Variants in POLR3C observed in about 807,000 individuals in gnomAD.
POLR3C encodes DNA-directed RNA polymerase III subunit RPC3.
A neutral mutation model predicts 65.9 loss-of-function variants in POLR3C; 44 were observed. The observed-to-expected ratio is 0.67, with a 90% confidence interval of 0.52 to 0.86. The LOEUF is 0.86. Ranked by LOEUF, POLR3C falls within the 40% of genes least tolerant of loss-of-function variation. The pLI is 0.00. For missense variants in POLR3C, 576 were observed against 653.2 expected (o/e 0.88, Z 1.29); for synonymous variants, 263 against 231.6 (o/e 1.14, Z -1.23).
At chr1:145,831,089 A>T (rs1283686087) in intron 5 of POLR3C, among the ~76,000 whole-genome samples, 3 of 150,650 alleles carry the variant, frequency 2.0e-5, no homozygotes, top group African/African-American at 7.3e-5. Context: ...ACAGAGCAAG[A>T]CCCTGTCTCA....
rs587741038 is a variant in POLR3C at position 145,841,617 on chromosome 1, C to T, written c.1523+546C>T. 1.4e-4 allele frequency among the ~76,000 whole-genome samples: 22 copies of T among 152,294 alleles called. No homozygotes were observed. The South Asian group carries it at 4.4e-3, about 30-fold the overall frequency. On this transcript the variant is annotated intron_variant, in intron 14 of 14. Transcript: ENST00000334163. ...TATTTCAGTTTTAGATTGTTCATTG[C>T]TAGTGTTATACAAAAACAACCAACT...
At chr1:145,824,562 T>C in intron 1 of POLR3C, 193 bp downstream of exon 1, 1 of 1,280,776 alleles carries the variant, frequency 7.8e-7, no homozygotes, top group Non-Finnish European at 1.0e-6. Flanking sequence ...CTGGTGATAC[T>C]GAGGCGGGGT....
chr1:145,840,074 A>C (rs1434832960), intron 12 of POLR3C, 42 bp from the exon 13 acceptor site: 5 of 1,562,272 alleles, frequency 3.2e-6, no homozygotes, highest in Non-Finnish European at 4.4e-6. Context: ...AGCTGCTGAA[A>C]TAGAACTATG....
At chr1:145,833,925 A>G (rs1651560972) in intron 7 of POLR3C, among the ~76,000 whole-genome samples, 2 of 152,204 alleles carry the variant, frequency 1.3e-5, no homozygotes, top group Non-Finnish European at 2.9e-5. Context: ...TATATCCAAT[A>G]TGTGTTATTT....
intron 13 of POLR3C, 46 bp downstream of exon 13, chr1:145,840,211 G>A (rs1347704642): frequency 4.1e-6 from 5 of 1,205,022 alleles, no homozygotes; most frequent in Non-Finnish European, 6.2e-6. Context: ...TCAAGATCAA[G>A]GGCCTCAGGG....
At chr1:145,840,423 C>T in intron 13 of POLR3C, 2 of 421,862 alleles carry the variant, frequency 4.7e-6, no homozygotes, top group South Asian at 4.8e-5. Context: ...ACCTATAGTC[C>T]CAGCTACTCG....
chr1:145,843,650 T>G lies in POLR3C; in HGVS notation c.*1230T>G, dbSNP rs1362111323. On this transcript the variant is annotated 3_prime_UTR_variant, in exon 15 of 15. Coordinates refer to ENST00000334163, the MANE Select transcript of POLR3C (RefSeq NM_006468.8). Reference sequence around the variant, plus strand: ...TAAGTACATAAGTACCAGGAAGTATTAGGGGTGCTACAGTAGAAGAGTAAA... The same window carrying G: ...TAAGTACATAAGTACCAGGAAGTATGAGGGGTGCTACAGTAGAAGAGTAAA... Among the ~76,000 whole-genome samples the G allele has an allele frequency of 1.3e-5, 2 of 152,112 alleles. No homozygotes were observed. Among genetic ancestry groups the G allele is most frequent in the African/African-American group, 4.8e-5 (2 of 41,416 alleles).
intron 14 of POLR3C, 84 bp from the exon 15 acceptor site, chr1:145,842,255 C>A: frequency 1.3e-6 from 1 of 772,302 alleles, no homozygotes; most frequent in East Asian, 2.5e-5. Flanking sequence ...AAGCAGTTAT[C>A]CATGGCCACA....
intron 7 of POLR3C, among the ~76,000 whole-genome samples, chr1:145,834,530 C>T (rs1227575325): frequency 1.3e-5 from 2 of 151,386 alleles, no homozygotes; most frequent in African/African-American, 4.9e-5. Context: ...AAAAAATTAG[C>T]CGGGCATGGT....
At chr1:145,836,645 C>T (rs1651873220) in intron 8 of POLR3C, 71 bp downstream of exon 8, 1 of 1,017,066 alleles carries the variant, frequency 9.8e-7, no homozygotes, top group South Asian at 1.3e-5. Context: ...TGCACTGATA[C>T]CTAGTGTCAT....
intron 4 of POLR3C, among the ~76,000 whole-genome samples, chr1:145,827,814 G>A (rs1553726239): frequency 6.6e-6 from 1 of 151,288 alleles, no homozygotes; most frequent in Non-Finnish European, 1.5e-5. Flanking sequence ...TGTAATCCCA[G>A]CTACTCGGGA....
In POLR3C at chr1:145,837,565, A is replaced by G. The variant is rs201313099; in HGVS notation, c.1039A>G (p.Thr347Ala). ...NLHKALASLA[T>A]ATLESVVQER... ...CCATAAGGCATTAGCATCCCTAGCC[A>G]CAGCCACTCTGGAGTCCGTCGTACA... Residue 347 changes from threonine (T) to alanine (A), a missense_variant, in exon 10 of 15, where the codon ACA becomes GCA. Physicochemically the swap from Thr to Ala is moderately conservative, Grantham distance 58. Coordinates refer to ENST00000334163, the MANE Select transcript of POLR3C (RefSeq NM_006468.8). 18 of 1,608,026 alleles carry G rather than the reference A, an allele frequency of 1.1e-5. No individual in the cohort carries two copies. Among genetic ancestry groups the G allele is most frequent in the Non-Finnish European group, 1.5e-5 (18 of 1,176,816 alleles).
In POLR3C at chr1:145,842,510, T is replaced by C; in HGVS notation, c.*90T>C. The C allele has an allele frequency of 2.3e-6, 2 of 867,574 alleles. No individual in the cohort carries two copies. Among genetic ancestry groups the C allele is most frequent in the South Asian group, 2.6e-5 (2 of 75,510 alleles). 53.7% of individuals were successfully genotyped at this position (867,574 alleles called of 1,614,324 possible). A position where few individuals can be genotyped will look rare whatever the true frequency, so the allele number is the denominator to read the frequency against. On this transcript the variant is annotated 3_prime_UTR_variant, in exon 15 of 15. Transcript: ENST00000334163. ...GATGCATTATTTGCAGTGGGATAAGTCGCAGAGTCTTCAACTAAACCCCCC... is the reference window on the plus strand; with the variant it reads ...GATGCATTATTTGCAGTGGGATAAGCCGCAGAGTCTTCAACTAAACCCCCC...
intron 4 of POLR3C, among the ~76,000 whole-genome samples, 196 bp downstream of exon 4, chr1:145,827,201 C>T (rs587671129): frequency 2.0e-5 from 3 of 152,132 alleles, no homozygotes; most frequent in African/African-American, 4.8e-5. Flanking sequence ...AAAATCACAT[C>T]GATATATCAT....
rs10564953 is a variant in POLR3C, at chr1:145,843,375, A to ATGT, written c.*957_*959dup. Among the ~76,000 whole-genome samples the ATGT allele has an allele frequency of 0.37, 56,313 of 151,884 alleles. 10,649 individuals carry two copies. The highest frequency in any genetic ancestry group is 0.42 in the African/African-American group (17,444 of 41,386). On this transcript the variant is annotated 3_prime_UTR_variant, in exon 15 of 15. Coordinates refer to ENST00000334163, the MANE Select transcript of POLR3C (RefSeq NM_006468.8). ...GCTTTAATTCATTTAAAGCAGTTAGATGTTTTATAATATCTTCAGTTTTCT... is the reference window on the plus strand; with the variant it reads ...GCTTTAATTCATTTAAAGCAGTTAGATGTTGTTTTATAATATCTTCAGTTTTCT...
intron 5 of POLR3C, among the ~76,000 whole-genome samples, chr1:145,829,660 C>G (rs587721608): frequency 5.3e-5 from 8 of 152,294 alleles, no homozygotes; most frequent in African/African-American, 1.9e-4. Flanking sequence ...CTGCTGGAGA[C>G]AGGGCTCTTC....
At chr1:145,840,048 T>G in intron 12 of POLR3C, 57 bp downstream of exon 12, 1 of 1,493,490 alleles carries the variant, frequency 6.7e-7, no homozygotes, top group Non-Finnish European at 9.3e-7. Flanking sequence ...ACCCCTCATG[T>G]GCCCACTTCG....
At chr1:145,830,768 C>T (rs1025105896) in intron 5 of POLR3C, among the ~76,000 whole-genome samples, 12 of 147,482 alleles carry the variant, frequency 8.1e-5, no homozygotes, top group Admixed American at 4.2e-4. Context: ...CACTGCACTC[C>T]ATCCTTGGTG....
At position 145,825,753 on chromosome 1, in the gene POLR3C, CT is replaced by C. The variant is rs1650682442; in HGVS notation, c.-20-3del. 1 of 1,598,846 alleles carries C rather than the reference CT, an allele frequency of 6.3e-7. No individual in the cohort carries two copies. ...ATTGTACCATTTTGGTGTTTTTTCCCTAGCTCTCAGACTCCCCAGTACAATG... is the reference window on the plus strand; with the variant it reads ...ATTGTACCATTTTGGTGTTTTTTCCCAGCTCTCAGACTCCCCAGTACAATG... On this transcript the variant is annotated splice_region_variant and splice_polypyrimidine_tract_variant and intron_variant, in intron 1 of 14. Transcript: ENST00000334163.
Sources: allele counts gnomAD v4.1 joint callset (sites outside exome capture counted in the v4.1 genomes callset), GRCh38; gene constraint gnomAD v4.1.1; transcripts MANE v1.5; gene names NCBI Gene and HGNC (gene_info 2026-07-23, HGNC 2026-07-21).